Variants in GRID2 observed in about 807,000 individuals in gnomAD.
GRID2 encodes the protein glutamate ionotropic receptor delta type subunit 2, also known as glutamate receptor ionotropic, delta-2.
In GRID2, 33 loss-of-function variants were observed where a neutral mutation model predicts 114.8. The ratio of observed to expected loss-of-function variants is 0.29; its 90% CI spans 0.22 to 0.38. The LOEUF (loss-of-function observed/expected upper bound fraction) is 0.38, where lower values mean the gene tolerates loss of function less well. Ranked by LOEUF, GRID2 falls within the 10% of genes least tolerant of loss-of-function variation. The pLI is 1.00. For missense variants in GRID2, 1,184 were observed against 1,257.7 expected (o/e 0.94, Z 0.89); for synonymous variants, 505 against 449.9 (o/e 1.12, Z -1.55).
intron 8 of GRID2, among the ~76,000 whole-genome samples, chr4:93,277,157 TATG>T (rs746874234): frequency 0.016 from 2,450 of 152,066 alleles, 24 homozygotes; most frequent in Middle Eastern, 0.048. Context: ...CCTGTCCTTT[TATG>T]CTTAGAAAGA....
intron 1 of GRID2, among the ~76,000 whole-genome samples, chr4:92,422,333 A>C (rs1579332860): frequency 6.6e-6 from 1 of 152,230 alleles, no homozygotes; most frequent in East Asian, 1.9e-4. Context: ...ATAGGCATGA[A>C]ATGAGTTTGG....
intron 2 of GRID2, among the ~76,000 whole-genome samples, chr4:92,696,354 A>C (rs1454028382): frequency 2.0e-5 from 3 of 152,148 alleles, no homozygotes; most frequent in Non-Finnish European, 4.4e-5. Flanking sequence ...TTGAAGGGTA[A>C]AACGCGAATA....
At chr4:93,155,435 C>T (rs77591448) in intron 4 of GRID2, among the ~76,000 whole-genome samples, 5,907 of 152,012 alleles carry the variant, frequency 0.039, 369 homozygotes, top group African/African-American at 0.13. Context: ...AGGAATCTGT[C>T]TTGACTCCTA....
At chr4:92,822,322 A>G in intron 2 of GRID2, 1 of 620,040 alleles carries the variant, frequency 1.6e-6, no homozygotes, top group South Asian at 1.4e-5. Context: ...AGAGGGATCC[A>G]TCTGGAGAGA....
At chr4:92,851,941 A>G (rs1358830618) in intron 2 of GRID2, among the ~76,000 whole-genome samples, 3 of 152,012 alleles carry the variant, frequency 2.0e-5, no homozygotes, top group African/African-American at 4.8e-5. Flanking sequence ...AAAAATTGCA[A>G]GAAATCAATT....
chr4:92,970,385 A>C (rs1189634407), intron 2 of GRID2, among the ~76,000 whole-genome samples: 2 of 151,994 alleles, frequency 1.3e-5, no homozygotes, highest in African/African-American at 4.8e-5. Context: ...TGTATCTGTT[A>C]ATTTATATAG....
At chr4:92,503,185 G>A (rs1231127891) in intron 1 of GRID2, among the ~76,000 whole-genome samples, 2 of 151,952 alleles carry the variant, frequency 1.3e-5, no homozygotes, top group East Asian at 3.9e-4. Context: ...ACAATAAAAA[G>A]ATAGTATCTT....
chr4:92,332,119 A>C (rs1390933889), intron 1 of GRID2, among the ~76,000 whole-genome samples: 1 of 152,176 alleles, frequency 6.6e-6, no homozygotes, highest in African/African-American at 2.4e-5. Flanking sequence ...TACTTTTCTC[A>C]GTCCCTTTCT....
chr4:92,873,254 T>C (rs1745401818), intron 2 of GRID2, among the ~76,000 whole-genome samples: 1 of 152,154 alleles, frequency 6.6e-6, no homozygotes. Flanking sequence ...GTAGTATAGT[T>C]TTCACAGACT....
At chr4:93,403,096 G>A (rs1314170189) in intron 9 of GRID2, among the ~76,000 whole-genome samples, 2 of 152,176 alleles carry the variant, frequency 1.3e-5, no homozygotes, top group Non-Finnish European at 2.9e-5. Flanking sequence ...CTGACAGCAA[G>A]CTCTGGTGGC....
intron 4 of GRID2, among the ~76,000 whole-genome samples, chr4:93,150,117 C>A (rs1736607191): frequency 6.6e-6 from 1 of 151,964 alleles, no homozygotes; most frequent in South Asian, 2.1e-4. Context: ...CTAGAGTTGC[C>A]CCAGAGTTGA....
intron 1 of GRID2, among the ~76,000 whole-genome samples, chr4:92,443,243 C>T (rs1233895527): frequency 2.0e-5 from 3 of 152,122 alleles, no homozygotes; most frequent in Non-Finnish European, 4.4e-5. Context: ...TTATTTAGAT[C>T]TTGCAGGATG....
chr4:93,335,859 G>T (rs1759027550), intron 8 of GRID2, among the ~76,000 whole-genome samples: 1 of 151,762 alleles, frequency 6.6e-6, no homozygotes. Context: ...ATCATATTCG[G>T]CTAGTTTTTT....
intron 14 of GRID2, among the ~76,000 whole-genome samples, chr4:93,678,642 A>G (rs1403149724): frequency 6.6e-6 from 1 of 152,140 alleles, no homozygotes; most frequent in East Asian, 1.9e-4. Context: ...TAAAGAAAAG[A>G]ATTTTCAAAC....
chr4:93,606,741 G>C (rs770519821), intron 13 of GRID2, among the ~76,000 whole-genome samples: 3 of 152,072 alleles, frequency 2.0e-5, no homozygotes, highest in African/African-American at 7.2e-5. Flanking sequence ...CTCCTGGCCT[G>C]ACTAGGAATA....
chr4:93,383,131 C>G (rs28768784), intron 8 of GRID2, among the ~76,000 whole-genome samples: 30,112 of 151,948 alleles, frequency 0.2, 5,829 homozygotes, highest in African/African-American at 0.51. Flanking sequence ...ATGAAGGTGG[C>G]AAGCAGGCAC....
intron 14 of GRID2, among the ~76,000 whole-genome samples, chr4:93,646,814 A>T (rs6837420): frequency 0.18 from 27,042 of 152,038 alleles, 2,768 homozygotes; most frequent in Middle Eastern, 0.35. Flanking sequence ...TGGATGTTAT[A>T]TGATGGGTGA....
chr4:93,518,284 G>A (rs972347864), intron 13 of GRID2, among the ~76,000 whole-genome samples: 4 of 151,310 alleles, frequency 2.6e-5, no homozygotes, highest in South Asian at 4.2e-4. Flanking sequence ...ATCTTGTTTC[G>A]GCTTGTACCA....
intron 1 of GRID2, among the ~76,000 whole-genome samples, chr4:92,455,276 AC>A (rs1721149517): frequency 1.3e-5 from 2 of 152,206 alleles, no homozygotes; most frequent in South Asian, 4.1e-4. Flanking sequence ...CTACTCAGTT[AC>A]TAAGTGCCGG....
Sources: gnomAD v4.1 joint callset for allele counts (sites outside exome capture counted in the v4.1 genomes callset) on GRCh38, gnomAD v4.1.1 for gene constraint, MANE v1.5 for transcripts, NCBI Gene and HGNC (gene_info 2026-07-23, HGNC 2026-07-21) for gene names.